AP2A2: variants seen among roughly 807,000 people sequenced by gnomAD.
AP2A2 encodes the protein AP-2 complex subunit alpha-2.
Under a neutral mutation model 104.2 loss-of-function variants are expected in AP2A2, and 32 were observed. The ratio of observed to expected loss-of-function variants is 0.31; its 90% CI spans 0.23 to 0.41. AP2A2 has a LOEUF of 0.41. Among genes scored for constraint, AP2A2 ranks in the 10% least tolerant of loss-of-function variants. The pLI is 1.00. For synonymous variants in AP2A2, 539 were observed against 533.3 expected (o/e 1.01, Z -0.15); for missense variants, 912 against 1,261.0 (o/e 0.72, Z 4.19).
intron 2 of AP2A2, among the ~76,000 whole-genome samples, chr11:960,247 C>CTTT (rs11438619): frequency 6.9e-6 from 1 of 144,018 alleles, no homozygotes. Context: ...CTTTTCTTTT[C>CTTT]TTTTTTTTTT....
At chr11:988,297 G>A (rs559880323) in intron 9 of AP2A2, among the ~76,000 whole-genome samples, 13 of 152,228 alleles carry the variant, frequency 8.5e-5, no homozygotes, top group Non-Finnish European at 1.8e-4. Flanking sequence ...GCATGGACGA[G>A]CGGGCAGAAT....
At chr11:976,342 C>G (rs1398549069) in intron 4 of AP2A2, among the ~76,000 whole-genome samples, 1 of 152,164 alleles carries the variant, frequency 6.6e-6, no homozygotes, top group South Asian at 2.1e-4. Context: ...GTAAATGGTA[C>G]AGGTAGTCCC....
chr11:977,202 A>T lies in AP2A2; in HGVS notation c.581A>T (p.His194Leu). The part of the protein sequence containing the change: ...PMGDWTSRVV[H>L]LLNDQHLGVV... Reference sequence around the variant, plus strand: ...GGCGACTGGACATCCCGAGTGGTGCACCTGCTCAATGACCAGCACTTGGTA... The same window carrying T: ...GGCGACTGGACATCCCGAGTGGTGCTCCTGCTCAATGACCAGCACTTGGTA... Residue 194 changes from histidine to leucine, a missense_variant, in exon 5 of 22, where the codon CAC becomes CTC. Around this residue, in one of 7 missense-constraint regions of AP2A2, gnomAD observed 350 missense variants for 487.0 expected, o/e 0.72. Transcript: ENST00000448903. 6.2e-7 allele frequency: 1 copy of T among 1,606,660 alleles called. No homozygotes were observed. The highest frequency in any genetic ancestry group is 8.5e-7 in the Non-Finnish European group (1 of 1,175,218).
At chr11:977,063 G>A in intron 4 of AP2A2, 32 bp from the exon 5 acceptor site, 1 of 1,612,568 alleles carries the variant, frequency 6.2e-7, no homozygotes, top group Non-Finnish European at 8.5e-7. Context: ...TCTTCAGCCT[G>A]TTGCGAGTGA....
rs140142900 is a variant in AP2A2 at position 1,010,103 on chromosome 11, G to A, written c.2742+286G>A. 376 of 484,600 alleles carry A rather than the reference G, an allele frequency of 7.8e-4. 1 individual carries two copies. The highest frequency in any genetic ancestry group is 6.8e-3 in the African/African-American group (355 of 52,126). The allele number at this position is 484,600 out of a possible 1,614,324, so 30.0% of individuals were successfully genotyped here. ...CCCAGCCTCCCCACAGCTGGCCACC[G>A]TGGAGCATCGTCCCACCATGGAGCA... On this transcript the variant is annotated intron_variant, in intron 21 of 21. Transcript: ENST00000448903.
chr11:930,474 T>A (rs1034770446), intron 1 of AP2A2, among the ~76,000 whole-genome samples: 2 of 152,134 alleles, frequency 1.3e-5, no homozygotes, highest in African/African-American at 4.8e-5. Context: ...TCTTTTTTTT[T>A]AAATTGGCAT....
At chr11:994,310 C>T in intron 14 of AP2A2, 65 bp downstream of exon 14, 4 of 1,578,190 alleles carry the variant, frequency 2.5e-6, no homozygotes, top group Non-Finnish European at 3.5e-6. Flanking sequence ...TTGGGACCAG[C>T]AGAGCATTTG....
At chr11:926,126 C>A (rs975805725) in intron 1 of AP2A2, 38 bp downstream of exon 1, 4 of 1,229,364 alleles carry the variant, frequency 3.3e-6, no homozygotes, top group Non-Finnish European at 4.1e-6. Context: ...GGGCCGGGGC[C>A]GCCGGCGGAG....
chr11:934,516 G>C lies in AP2A2; in HGVS notation c.67+8428G>C, dbSNP rs138099301. On this transcript the variant is annotated intron_variant, in intron 1 of 21. Coordinates refer to ENST00000448903, the MANE Select transcript of AP2A2 (RefSeq NM_012305.4). ...AGACTCCGAGTTGTGATGGTTTTGTGTTCATCTCTGTGCTTGGCTTCAGGA... is the reference window on the plus strand; with the variant it reads ...AGACTCCGAGTTGTGATGGTTTTGTCTTCATCTCTGTGCTTGGCTTCAGGA... Among the ~76,000 whole-genome samples the C allele has an allele frequency of 4.1e-3, 631 of 152,188 alleles. 4 individuals are homozygous for C. Among genetic ancestry groups the C allele is most frequent in the Middle Eastern group, 0.017 (5 of 294 alleles).
At chr11:986,676 C>T (rs1292238442) in intron 8 of AP2A2, 109 bp from the exon 9 acceptor site, 61 of 1,334,186 alleles carry the variant, frequency 4.6e-5, no homozygotes, top group African/African-American at 7.2e-5. Flanking sequence ...CGGTGAGTGC[C>T]GTGTGACTTT....
At chr11:994,289 A>G (rs1855766769) in intron 14 of AP2A2, 44 bp downstream of exon 14, 2 of 1,599,522 alleles carry the variant, frequency 1.3e-6, no homozygotes, top group East Asian at 4.5e-5. Flanking sequence ...TCAGGGCCTC[A>G]CCCCCAAGAC....
chr11:994,299 C>T, intron 14 of AP2A2, 54 bp downstream of exon 14: 1 of 1,593,636 alleles, frequency 6.3e-7, no homozygotes, highest in East Asian at 2.2e-5. Context: ...ACCCCCAAGA[C>T]TTGGGACCAG....
rs1445665000 is a variant in AP2A2, at chr11:1,006,683, A to C, written c.2296+66A>C. ...ATGTGGGGCTTAGAGGAGGCTTTTG[A>C]GGAAGTTTTTTGGTTTTCTTATTTT... On this transcript the variant is annotated intron_variant, in intron 17 of 21. Transcript: ENST00000448903. The C allele has an allele frequency of 6.9e-6, 9 of 1,300,426 alleles. No homozygotes were observed. The Admixed American group carries it at 1.8e-4, about 25-fold the overall frequency. 80.6% of individuals were successfully genotyped at this position (1,300,426 alleles called of 1,614,324 possible).
At chr11:985,952 A>G (rs1233795013) in intron 8 of AP2A2, among the ~76,000 whole-genome samples, 1 of 152,236 alleles carries the variant, frequency 6.6e-6, no homozygotes, top group Non-Finnish European at 1.5e-5. Context: ...TGGTGGGTCC[A>G]GGGTCGCAGG....
At chr11:962,784 A>G (rs1329794183) in intron 2 of AP2A2, among the ~76,000 whole-genome samples, 1 of 152,158 alleles carries the variant, frequency 6.6e-6, no homozygotes, top group Non-Finnish European at 1.5e-5. Context: ...TTTGGGACTA[A>G]AGGAGACTTC....
intron 6 of AP2A2, among the ~76,000 whole-genome samples, chr11:983,672 C>T (rs149921711): frequency 0.015 from 2,258 of 152,294 alleles, 62 homozygotes; most frequent in African/African-American, 0.052. Flanking sequence ...CGGGAGCCAC[C>T]GCACCTGGCC....
In AP2A2 at chr11:1,006,345, C is replaced by A. The variant is rs560483523; in HGVS notation, c.2207-183C>A. Among the ~76,000 whole-genome samples, 55 of 152,334 alleles carry A rather than the reference C, an allele frequency of 3.6e-4. No individual in the cohort carries two copies. The Middle Eastern group carries it at 0.01, about 28-fold the overall frequency. ...TGGAGGAGATACCCGGCCCGTGTTA[C>A]CAGCACTGGTGTGCTCGTTCTAAAA... On this transcript the variant is annotated intron_variant, in intron 16 of 21. Transcript: ENST00000448903.
chr11:1,011,904 T>C lies in AP2A2; in HGVS notation c.*1279T>C. The C allele has an allele frequency of 5.2e-6, 1 of 191,534 alleles. No individual in the cohort carries two copies. Among genetic ancestry groups the C allele is most frequent in the Non-Finnish European group, 1.1e-5 (1 of 92,534 alleles). The allele number at this position is 191,534 out of a possible 1,614,324, so 11.9% of individuals were successfully genotyped here. A position where few individuals can be genotyped will look rare whatever the true frequency, so the allele number is the denominator to read the frequency against. The stretch of plus-strand genomic sequence containing the variant: ...TGTCTGCGGCTCTTCTTCCGGCGTG[T>C]CGGGCTTTGATCACAGCATAGCCAC... On this transcript the variant is annotated 3_prime_UTR_variant, in exon 22 of 22. Coordinates refer to ENST00000448903, the MANE Select transcript of AP2A2 (RefSeq NM_012305.4).
At chr11:940,481 C>G (rs375941773) in intron 1 of AP2A2, among the ~76,000 whole-genome samples, 1 of 152,146 alleles carries the variant, frequency 6.6e-6, no homozygotes, top group East Asian at 1.9e-4. Flanking sequence ...GTTCTGTTTC[C>G]ACGACTCTCA....
Sources: allele counts gnomAD v4.1 joint callset (sites outside exome capture counted in the v4.1 genomes callset), GRCh38; gene constraint gnomAD v4.1.1; regional missense constraint gnomAD v4.1.1; transcripts MANE v1.5; gene names NCBI Gene and HGNC (gene_info 2026-07-23, HGNC 2026-07-21).